The following KLHL13 variants were observed in gnomAD, a reference collection of about 807,000 sequenced individuals.
KLHL13 encodes the protein kelch like family member 13, also known as kelch-like protein 13.
Under a neutral mutation model 37.1 loss-of-function variants are expected in KLHL13, and 10 were observed. The observed-to-expected ratio is 0.27, with a 90% CI of 0.17 to 0.46. KLHL13 has a LOEUF of 0.46. Among genes scored for constraint, KLHL13 ranks in the 20% least tolerant of loss-of-function variants. The pLI, the probability that KLHL13 is intolerant of heterozygous loss-of-function variation, is 1.00. For missense variants in KLHL13, 360 were observed against 509.3 expected (o/e 0.71, Z 2.82); for synonymous variants, 163 against 181.2 (o/e 0.90, Z 0.81).
intron 1 of KLHL13, among the ~76,000 whole-genome samples, chrX:117,963,398 T>G (rs1246649669): frequency 8.9e-6 from 1 of 112,275 alleles, no homozygotes; most frequent in Non-Finnish European, 1.9e-5. Flanking sequence ...ACACAAACAG[T>G]AAATTATTCC....
At chrX:117,938,020 T>A (rs1569420668) in intron 2 of KLHL13, among the ~76,000 whole-genome samples, 1 of 112,237 alleles carries the variant, frequency 8.9e-6, no homozygotes, top group Non-Finnish European at 1.9e-5. Flanking sequence ...AAACACGGAC[T>A]TTGGTGATTA....
chrX:117,908,099 T>G (rs746695229), intron 5 of KLHL13, among the ~76,000 whole-genome samples: 7 of 106,797 alleles, frequency 6.6e-5, no homozygotes, highest in African/African-American at 2.4e-4. Flanking sequence ...ATTTATTTAT[T>G]TATTTATTTA....
At chrX:117,966,293 G>T (rs771596130) in intron 1 of KLHL13, among the ~76,000 whole-genome samples, 389 of 111,200 alleles carry the variant, frequency 3.5e-3, no homozygotes, top group Non-Finnish European at 5.6e-3. Flanking sequence ...AAATCATGAG[G>T]GAACTCCCAT....
chrX:118,088,799 A>G (rs1031734796), intron 1 of KLHL13, among the ~76,000 whole-genome samples: 26 of 111,836 alleles, frequency 2.3e-4, no homozygotes, highest in African/African-American at 7.1e-4. Flanking sequence ...AAATATGGCT[A>G]ACAATCATGG....
At chrX:118,068,568 A>G (rs1460699291) in intron 1 of KLHL13, among the ~76,000 whole-genome samples, 1 of 110,649 alleles carries the variant, frequency 9.0e-6, no homozygotes, top group Non-Finnish European at 1.9e-5. Flanking sequence ...AACCCTTTGG[A>G]TACCTACAAT....
At chrX:118,011,180 A>T (rs2054063366) in intron 1 of KLHL13, among the ~76,000 whole-genome samples, 1 of 110,038 alleles carries the variant, frequency 9.1e-6, no homozygotes, top group Non-Finnish European at 1.9e-5. Flanking sequence ...GTCCTGAATG[A>T]TAAACAGGAA....
chrX:118,089,653 AG>A (rs2055103892), intron 1 of KLHL13, among the ~76,000 whole-genome samples: 1 of 108,882 alleles, frequency 9.2e-6, no homozygotes, highest in Non-Finnish European at 1.9e-5. Context: ...AAAGAAAGAA[AG>A]AAAGAAAGAA....
At chrX:118,033,119 T>A (rs1020443595) in intron 1 of KLHL13, among the ~76,000 whole-genome samples, 5 of 110,946 alleles carry the variant, frequency 4.5e-5, no homozygotes, top group Non-Finnish European at 9.4e-5. Flanking sequence ...GTCTGACTGG[T>A]GTACCTGAAA....
intron 1 of KLHL13, among the ~76,000 whole-genome samples, chrX:118,096,098 T>C (rs189283837): frequency 0.011 from 1,200 of 111,151 alleles, 15 homozygotes; most frequent in African/African-American, 0.037. Context: ...CTGAAGGAAA[T>C]ACAGACACAA....
chrX:118,038,559 G>A (rs1438066516), intron 1 of KLHL13, among the ~76,000 whole-genome samples: 1 of 111,205 alleles, frequency 9.0e-6, no homozygotes, highest in Non-Finnish European at 1.9e-5. Context: ...AGAGTAGAGA[G>A]CAACAAGGGG....
chrX:118,078,885 T>C (rs1436733840), intron 1 of KLHL13, among the ~76,000 whole-genome samples: 1 of 111,457 alleles, frequency 9.0e-6, no homozygotes, highest in Non-Finnish European at 1.9e-5. Context: ...CCATCAGCAA[T>C]GTATGAGAGT....
chrX:118,069,701 C>T (rs1421091547), intron 1 of KLHL13, among the ~76,000 whole-genome samples: 1 of 110,718 alleles, frequency 9.0e-6, no homozygotes, highest in African/African-American at 3.3e-5. Context: ...ACAAAAGAGG[C>T]AAAAAGTTTT....
At chrX:117,930,282 A>AGGCAGGCAGGCAGGC (rs1195134095) in intron 2 of KLHL13, among the ~76,000 whole-genome samples, 10 of 90,231 alleles carry the variant, frequency 1.1e-4, no homozygotes, top group Admixed American at 3.4e-4. Flanking sequence ...GGAAGGAAGG[A>AGGCAGGCAGGCAGGC]AGGAAGGAAG....
intron 2 of KLHL13, among the ~76,000 whole-genome samples, chrX:117,922,248 G>A (rs1221796283): frequency 6.3e-5 from 7 of 110,830 alleles, no homozygotes; most frequent in African/African-American, 2.3e-4. Flanking sequence ...GTGCAGTGGC[G>A]CGATCTCGGC....
intron 1 of KLHL13, among the ~76,000 whole-genome samples, chrX:118,081,348 T>G (rs1382817760): frequency 8.9e-6 from 1 of 112,098 alleles, no homozygotes; most frequent in Non-Finnish European, 1.9e-5. Flanking sequence ...GGTGGGCAGA[T>G]AGTTAAACTC....
At chrX:118,088,198 CT>C (rs914135914) in intron 1 of KLHL13, among the ~76,000 whole-genome samples, 2 of 111,825 alleles carry the variant, frequency 1.8e-5, no homozygotes, top group African/African-American at 6.5e-5. Flanking sequence ...AGCAGATAGC[CT>C]TTTCCTCAAT....
chrX:117,909,526 G>C (rs1425910208), exon 5 of KLHL13: 1 of 1,210,950 alleles, frequency 8.3e-7, no homozygotes, highest in Non-Finnish European at 1.1e-6. Flanking sequence ...ATGCCATGCT[G>C]GTACCTTGGG....
At chrX:118,020,663 G>A (rs984801997) in intron 1 of KLHL13, among the ~76,000 whole-genome samples, 6 of 109,800 alleles carry the variant, frequency 5.5e-5, no homozygotes, top group South Asian at 4.0e-4. Flanking sequence ...AAGGATTATA[G>A]ATCATGCTGC....
At chrX:118,054,117 T>C (rs1397087071) in intron 1 of KLHL13, among the ~76,000 whole-genome samples, 1 of 111,468 alleles carries the variant, frequency 9.0e-6, no homozygotes, top group East Asian at 2.8e-4. Context: ...AGTGGCTTCA[T>C]GTATTAAAGC....
Sources: allele counts gnomAD v4.1 joint callset (sites outside exome capture counted in the v4.1 genomes callset), GRCh38; gene constraint gnomAD v4.1.1; transcripts MANE v1.5; gene names NCBI Gene and HGNC (gene_info 2026-07-23, HGNC 2026-07-21).